GCA: variants seen among roughly 807,000 people sequenced by gnomAD.
The protein encoded by GCA is grancalcin, EF-hand calcium-binding protein.
A neutral mutation model predicts 32.6 loss-of-function variants in GCA; 30 were observed. The observed-to-expected ratio is 0.92, with a 90% CI of 0.69 to 1.25. The LOEUF (loss-of-function observed/expected upper bound fraction) is 1.25, where lower values mean the gene tolerates loss of function less well. Ranked by LOEUF, GCA falls within the 50% of genes most tolerant of loss-of-function variation. The pLI is 0.00. For missense variants in GCA, 291 were observed against 266.8 expected (o/e 1.09, Z -0.63); for synonymous variants, 102 against 84.6 (o/e 1.21, Z -1.13).
rs1431944536 is a variant in GCA at position 162,356,645 on chromosome 2, G to A, written c.307-113G>A. ...CTTTCTAGTTTTTATGCAGAAGTCTGTTCATATAATGAGTTTGGCTAAGTC... is the reference window on the plus strand; with the variant it reads ...CTTTCTAGTTTTTATGCAGAAGTCTATTCATATAATGAGTTTGGCTAAGTC... On this transcript the variant is annotated intron_variant, in intron 4 of 7. Transcript: ENST00000437150. 4.6e-6 allele frequency: 4 copies of A among 873,584 alleles called. No individual in the cohort carries two copies. The East Asian group carries it at 1.0e-4, about 22-fold the overall frequency. 54.1% of individuals were successfully genotyped at this position (873,584 alleles called of 1,614,324 possible).
downstream of GCA, among the ~76,000 whole-genome samples, chr2:162,364,148 C>T (rs965190673): frequency 1.3e-5 from 2 of 151,266 alleles, no homozygotes; most frequent in African/African-American, 4.8e-5. Context: ...TTTCCCTTAA[C>T]CATAAAAATG....
intron 1 of GCA, among the ~76,000 whole-genome samples, chr2:162,324,536 C>A (rs762110701): frequency 6.6e-6 from 1 of 152,126 alleles, no homozygotes; most frequent in Non-Finnish European, 1.5e-5. Flanking sequence ...ATGTGCTCCC[C>A]TTGAGTCCAG....
chr2:162,332,308 C>CAA (rs1230075576), intron 1 of GCA, among the ~76,000 whole-genome samples: 234 of 111,062 alleles, frequency 2.1e-3, no homozygotes, highest in African/African-American at 7.1e-3. Flanking sequence ...GACTCCATCT[C>CAA]AAAAAAAAAA....
intron 2 of GCA, among the ~76,000 whole-genome samples, chr2:162,348,102 A>G (rs976871553): frequency 2.6e-5 from 4 of 152,178 alleles, no homozygotes; most frequent in Admixed American, 1.3e-4. Flanking sequence ...CTTATGAGTT[A>G]TAATTTTTCT....
chr2:162,327,654 TGAGCTG>T (rs1683933566), intron 1 of GCA, among the ~76,000 whole-genome samples: 1 of 152,160 alleles, frequency 6.6e-6, no homozygotes, highest in Non-Finnish European at 1.5e-5. Flanking sequence ...CCTAGGCAGC[TGAGCTG>T]AGAGGGGAAA....
chr2:162,365,146 A>G (rs960034942), downstream of GCA, among the ~76,000 whole-genome samples: 2 of 151,488 alleles, frequency 1.3e-5, no homozygotes, highest in Non-Finnish European at 3.0e-5. Flanking sequence ...TACTTAGCTA[A>G]TGAGATTTAC....
Position 162,344,164 on chromosome 2 carries a change from C to A in GCA, c.-85C>A. 6.9e-7 allele frequency: 1 copy of A among 1,446,924 alleles called. No individual in the cohort carries two copies. The highest frequency in any genetic ancestry group is 9.7e-7 in the Non-Finnish European group (1 of 1,030,426). The allele number at this position is 1,446,924 out of a possible 1,614,324, so 89.6% of individuals were successfully genotyped here. On this transcript the variant is annotated 5_prime_UTR_variant, in exon 1 of 8. Transcript: ENST00000437150. ...CTTTCAGCCTCACCTGCAGCTGCGC[C>A]TCCTTGCACCTGCGCCTGTGCTTTT... is the stretch of plus-strand genomic sequence containing the variant.
intron 1 of GCA, among the ~76,000 whole-genome samples, chr2:162,335,560 A>C (rs1012361724): frequency 8.5e-5 from 13 of 152,174 alleles, no homozygotes; most frequent in African/African-American, 2.9e-4. Context: ...CAGCTGGAGA[A>C]ATGTGGGTCC....
chr2:162,335,640 C>A (rs1025503961), intron 1 of GCA, among the ~76,000 whole-genome samples: 4 of 151,980 alleles, frequency 2.6e-5, no homozygotes, highest in African/African-American at 9.7e-5. Flanking sequence ...ATTACATGAG[C>A]CAATAAATTC....
chr2:162,370,651 G>C (rs185320914), intron 4 of GCA, among the ~76,000 whole-genome samples: 92 of 152,128 alleles, frequency 6.0e-4, no homozygotes, highest in Admixed American at 4.2e-3. Flanking sequence ...TTCTTTCTAG[G>C]CCCATTGCTT....
chr2:162,351,523 T>C (rs1684999932), intron 2 of GCA, among the ~76,000 whole-genome samples: 1 of 152,176 alleles, frequency 6.6e-6, no homozygotes, highest in African/African-American at 2.4e-5. Context: ...TTGTAAGGGG[T>C]TCTTTTGCCA....
In GCA at chr2:162,360,672, G is replaced by T; in HGVS notation, c.*429G>T. On this transcript the variant is annotated 3_prime_UTR_variant, in exon 8 of 8. Coordinates refer to ENST00000437150, the MANE Select transcript of GCA (RefSeq NM_012198.5). The stretch of plus-strand genomic sequence containing the variant: ...TTTCTTTGTAGTTGGTGGTGTTTGA[G>T]GGTTGGCTAGAAATGAAAGCCTGGA... 7.6e-7 allele frequency: 1 copy of T among 1,318,554 alleles called. No homozygotes were observed. Among genetic ancestry groups the T allele is most frequent in the East Asian group, 2.9e-5 (1 of 34,168 alleles). 81.7% of individuals were successfully genotyped at this position (1,318,554 alleles called of 1,614,324 possible). A position where few individuals can be genotyped will look rare whatever the true frequency, so the allele number is the denominator to read the frequency against.
chr2:162,363,794 A>G (rs980076616), downstream of GCA, among the ~76,000 whole-genome samples: 1 of 151,452 alleles, frequency 6.6e-6, no homozygotes. Context: ...TTATATACTT[A>G]GCATTCCTTT....
downstream of GCA, among the ~76,000 whole-genome samples, chr2:162,374,972 A>G (rs916270955): frequency 5.3e-4 from 81 of 152,274 alleles, no homozygotes; most frequent in African/African-American, 1.9e-3. Flanking sequence ...TCTAATTTTT[A>G]TGCTTCCAAC....
At chr2:162,321,217 T>C (rs1390434877) in intron 1 of GCA, among the ~76,000 whole-genome samples, 1 of 152,096 alleles carries the variant, frequency 6.6e-6, no homozygotes, top group East Asian at 1.9e-4. Flanking sequence ...CTTGAGTAAT[T>C]AATTGTTTTC....
downstream of GCA, among the ~76,000 whole-genome samples, chr2:162,366,809 A>T (rs1351170635): frequency 6.6e-6 from 1 of 151,960 alleles, no homozygotes; most frequent in African/African-American, 2.4e-5. Context: ...AAATATAAGG[A>T]TGCTATCTAT....
Position 162,360,208 on chromosome 2 carries a change from A to G in GCA, c.628-9A>G, listed in dbSNP as rs1167317753. 2 of 1,458,314 alleles carry G rather than the reference A, an allele frequency of 1.4e-6. No homozygotes were observed. The highest frequency in any genetic ancestry group is 2.3e-5 in the East Asian group (1 of 43,222). 90.3% of individuals were successfully genotyped at this position (1,458,314 alleles called of 1,614,324 possible). On this transcript the variant is annotated splice_polypyrimidine_tract_variant and intron_variant, in intron 7 of 7. Transcript: ENST00000437150. ...TTCTTAATAGATAATAATTTCACTT[A>G]TGTATTAGTTTTTGCAGGGCACTAT... is the stretch of plus-strand genomic sequence containing the variant.
At chr2:162,324,104 G>A (rs916703344) in intron 1 of GCA, among the ~76,000 whole-genome samples, 1 of 152,094 alleles carries the variant, frequency 6.6e-6, no homozygotes, top group Non-Finnish European at 1.5e-5. Flanking sequence ...AGTGTCTAGG[G>A]GTGGATGTTT....
intron 1 of GCA, among the ~76,000 whole-genome samples, chr2:162,335,539 G>C (rs773624574): frequency 1.3e-5 from 2 of 152,148 alleles, no homozygotes; most frequent in Non-Finnish European, 2.9e-5. Flanking sequence ...TAAGAATGGA[G>C]GCAGAAGGGA....
Sources: allele counts gnomAD v4.1 joint callset (sites outside exome capture counted in the v4.1 genomes callset), GRCh38; gene constraint gnomAD v4.1.1; transcripts MANE v1.5; gene names NCBI Gene and HGNC (gene_info 2026-07-23, HGNC 2026-07-21).